The following GABRB3 variants were observed in gnomAD, a reference collection of about 807,000 sequenced individuals.
The protein encoded by GABRB3 is gamma-aminobutyric acid receptor subunit beta-3.
GABRB3 carries 14 observed loss-of-function variants against 52.1 expected under a neutral mutation model. The ratio of observed to expected loss-of-function variants is 0.27; its 90% confidence interval spans 0.18 to 0.42. The LOEUF (loss-of-function observed/expected upper bound fraction) is 0.42. Among genes scored for constraint, GABRB3 ranks in the 10% least tolerant of loss-of-function variants. The pLI is 1.00. For missense variants in GABRB3, 307 were observed against 609.1 expected (o/e 0.50, Z 5.22); for synonymous variants, 260 against 232.3 (o/e 1.12, Z -1.08).
At chr15:26,675,335 T>C (rs1888033565) in intron 3 of GABRB3, among the ~76,000 whole-genome samples, 1 of 152,198 alleles carries the variant, frequency 6.6e-6, no homozygotes, top group Admixed American at 6.5e-5. Context: ...CTTCTGTTCA[T>C]TTCACATCCA....
intron 3 of GABRB3, among the ~76,000 whole-genome samples, chr15:26,690,405 A>G (rs1260627620): frequency 6.6e-6 from 1 of 152,152 alleles, no homozygotes; most frequent in African/African-American, 2.4e-5. Context: ...AAGCAGTTAC[A>G]AAGACTTGGG....
intron 3 of GABRB3, 110 bp downstream of exon 3, chr15:26,772,292 G>T (rs1486355408): frequency 7.2e-6 from 7 of 966,420 alleles, no homozygotes; most frequent in Non-Finnish European, 1.1e-5. Flanking sequence ...CTGCGGACCG[G>T]GGAAACTCGG....
At chr15:26,659,978 T>TC (rs1477644564) in intron 3 of GABRB3, among the ~76,000 whole-genome samples, 1 of 152,126 alleles carries the variant, frequency 6.6e-6, no homozygotes, top group Non-Finnish European at 1.5e-5. Flanking sequence ...ACACCCGCAA[T>TC]CCCAGAACTT....
chr15:26,609,527 A>C (rs189975238), intron 4 of GABRB3, among the ~76,000 whole-genome samples: 1 of 152,292 alleles, frequency 6.6e-6, no homozygotes, highest in Admixed American at 6.5e-5. Context: ...CATTCCTTTT[A>C]TTGTATAAAG....
At chr15:26,560,098 C>T (rs1237347756) in intron 8 of GABRB3, among the ~76,000 whole-genome samples, 1 of 152,194 alleles carries the variant, frequency 6.6e-6, no homozygotes, top group African/African-American at 2.4e-5. Context: ...TCACACTCTC[C>T]ACCCCAGCGT....
intron 3 of GABRB3, among the ~76,000 whole-genome samples, chr15:26,710,610 A>C (rs139090589): frequency 9.6e-4 from 147 of 152,340 alleles, no homozygotes; most frequent in Admixed American, 1.4e-3. Context: ...GCTATGTTTA[A>C]GTTCTTAAGA....
chr15:26,595,818 C>T (rs1050360685), intron 4 of GABRB3, among the ~76,000 whole-genome samples: 1 of 152,160 alleles, frequency 6.6e-6, no homozygotes, highest in African/African-American at 2.4e-5. Context: ...CAGATTCACA[C>T]AGCATTCTTG....
intron 2 of GABRB3, 64 bp from the exon 3 acceptor site, chr15:26,772,533 G>A (rs1891178738): frequency 4.5e-6 from 7 of 1,545,850 alleles, no homozygotes; most frequent in Non-Finnish European, 6.2e-6. Flanking sequence ...CGGCTCTGAG[G>A]ACTGGGGGCT....
chr15:26,621,640 A>G lies in GABRB3; in HGVS notation c.241-106T>C. On this transcript the variant is annotated intron_variant, in intron 3 of 8. Transcript: ENST00000311550. The surrounding 1 kb of genome is among the most constrained non-coding windows in gnomAD (Gnocchi z 4.1). The stretch of plus-strand genomic sequence containing the variant: ...TGCAATCTAGGCTCTACAGTGAATA[A>G]CCAGGAGAAACGGATGCCATTTTTA... The G allele has an allele frequency of 1.2e-6, 1 of 812,600 alleles. No homozygotes were observed. The highest frequency in any genetic ancestry group is 1.6e-5 in the South Asian group (1 of 63,822). The allele number at this position is 812,600 out of a possible 1,614,324, so 50.3% of individuals were successfully genotyped here.
intron 3 of GABRB3, among the ~76,000 whole-genome samples, chr15:26,734,759 A>G (rs1338702369): frequency 1.3e-5 from 2 of 152,024 alleles, no homozygotes; most frequent in Non-Finnish European, 2.9e-5. Flanking sequence ...GCAACACAGC[A>G]AGACCCCATC....
intron 3 of GABRB3, among the ~76,000 whole-genome samples, chr15:26,643,851 C>T (rs986354879): frequency 1.3e-5 from 2 of 152,204 alleles, no homozygotes; most frequent in East Asian, 1.9e-4. Flanking sequence ...ACCAAAACTA[C>T]GGATCCTTCC....
intron 3 of GABRB3, among the ~76,000 whole-genome samples, chr15:26,694,053 A>T (rs1318201966): frequency 6.6e-6 from 1 of 152,172 alleles, no homozygotes; most frequent in Non-Finnish European, 1.5e-5. Flanking sequence ...GTTTGAGAAC[A>T]GCCTGGGCAA....
At chr15:26,606,783 T>TATATCGATAG (rs1891824190) in intron 4 of GABRB3, among the ~76,000 whole-genome samples, 1 of 133,980 alleles carries the variant, frequency 7.5e-6, no homozygotes, top group Non-Finnish European at 1.7e-5. Context: ...GATAGATAGA[T>TATATCGATAG]ATATCTATAG....
At chr15:26,693,499 C>A (rs1047109082) in intron 3 of GABRB3, among the ~76,000 whole-genome samples, 2 of 152,224 alleles carry the variant, frequency 1.3e-5, no homozygotes, top group African/African-American at 2.4e-5. Flanking sequence ...ATGAGAGCTA[C>A]ACTTCACACT....
intron 3 of GABRB3, among the ~76,000 whole-genome samples, chr15:26,769,622 C>T (rs3212331): frequency 0.72 from 108,825 of 152,078 alleles, 39,062 homozygotes; most frequent in South Asian, 0.74. Flanking sequence ...CTGCCATTTT[C>T]TTTCCTAACC....
chr15:26,666,395 C>G (rs1887711143), intron 3 of GABRB3: 1 of 152,222 alleles, frequency 6.6e-6, no homozygotes, highest in African/African-American at 2.4e-5. Flanking sequence ...TCACCAGCAG[C>G]ATACCCGGCT....
chr15:26,760,005 CT>C (rs532495217), intron 3 of GABRB3, among the ~76,000 whole-genome samples: 56 of 152,320 alleles, frequency 3.7e-4, no homozygotes, highest in Middle Eastern at 6.8e-3. Context: ...CTGAAAATTA[CT>C]GAGCATGGAT....
rs554013589 is a variant in GABRB3 at position 26,622,774 on chromosome 15, T to C, written c.241-1240A>G. Among the ~76,000 whole-genome samples the C allele has an allele frequency of 5.4e-4, 82 of 152,294 alleles. 1 individual carries two copies. The Middle Eastern group carries it at 0.014, about 25-fold the overall frequency. On this transcript the variant is annotated intron_variant, in intron 3 of 8. Transcript: ENST00000311550. ...TGGAATATAGAGGCTTAGGGACTGA[T>C]AGAGGACATCGATTTGTCTTCAGAT...
intron 6 of GABRB3, among the ~76,000 whole-genome samples, chr15:26,569,590 T>C (rs1890315890): frequency 6.6e-6 from 1 of 152,234 alleles, no homozygotes; most frequent in Admixed American, 6.5e-5. Flanking sequence ...CTCTTAAGGA[T>C]ATATTTGTGC....
Sources: gnomAD v4.1 joint callset for allele counts (sites outside exome capture counted in the v4.1 genomes callset) on GRCh38, gnomAD v4.1.1 for gene constraint, Gnocchi (gnomAD v3.1) non-coding constraint, MANE v1.5 for transcripts, NCBI Gene and HGNC (gene_info 2026-07-23, HGNC 2026-07-21) for gene names.